The following QRFPR variants were observed in gnomAD, a reference collection of about 807,000 sequenced individuals.
QRFPR encodes pyroglutamylated RF-amide peptide receptor.
QRFPR carries 37 observed loss-of-function variants against 31.3 expected under a neutral mutation model. The observed-to-expected ratio is 1.18, with a 90% CI of 0.91 to 1.56. QRFPR has a LOEUF of 1.56. Ranked by LOEUF, QRFPR falls within the 40% of genes most tolerant of loss-of-function variation. The pLI is 0.00. For synonymous variants in QRFPR, 197 were observed against 192.0 expected, an observed-to-expected ratio of 1.03 and a Z score of -0.22; for missense variants, 542 against 532.5, an observed-to-expected ratio of 1.02 and a Z score of -0.18.
intron 1 of QRFPR, among the ~76,000 whole-genome samples, chr4:121,343,777 A>G (rs1445200162): frequency 6.6e-6 from 1 of 152,160 alleles, no homozygotes. Context: ...CAACTATCCA[A>G]ACAAAAGAAA....
At chr4:121,375,988 G>GA (rs1031389433) in intron 1 of QRFPR, among the ~76,000 whole-genome samples, 82 of 152,104 alleles carry the variant, frequency 5.4e-4, no homozygotes, top group African/African-American at 1.8e-3. Flanking sequence ...TAAAAAGGAG[G>GA]AAAAAACAAA....
chr4:121,365,542 T>TTA (rs1286190292), intron 1 of QRFPR, among the ~76,000 whole-genome samples: 5 of 19,566 alleles, frequency 2.6e-4, no homozygotes, highest in African/African-American at 1.8e-3. Flanking sequence ...ATAATATATA[T>TTA]TATATATAAT....
At chr4:121,347,374 A>G (rs13110420) in intron 1 of QRFPR, among the ~76,000 whole-genome samples, 118,879 of 151,958 alleles carry the variant, frequency 0.78, 48,817 homozygotes, top group East Asian at 0.99. Context: ...CTTTTCTTTT[A>G]ATTTATTGAT....
chr4:121,330,695 C>T (rs766313806), intron 4 of QRFPR, among the ~76,000 whole-genome samples, 172 bp from the exon 5 acceptor site: 2 of 152,196 alleles, frequency 1.3e-5, no homozygotes, highest in African/African-American at 2.4e-5. Context: ...ATATTACCCT[C>T]ACATCATAAA....
intron 1 of QRFPR, among the ~76,000 whole-genome samples, chr4:121,366,014 A>C (rs1726129319): frequency 6.7e-6 from 1 of 149,020 alleles, no homozygotes; most frequent in Non-Finnish European, 1.5e-5. Context: ...AGATCATGGC[A>C]GACTTTCACT....
chr4:121,370,306 T>C, intron 1 of QRFPR: 1 of 774,212 alleles, frequency 1.3e-6, no homozygotes, highest in East Asian at 2.5e-5. Context: ...AGAGGCCCAC[T>C]AGCCTCAAGA....
At chr4:121,359,186 C>T (rs1725931576) in intron 1 of QRFPR, among the ~76,000 whole-genome samples, 1 of 152,124 alleles carries the variant, frequency 6.6e-6, no homozygotes, top group Non-Finnish European at 1.5e-5. Context: ...GCTTCATTAC[C>T]TGCCAGATTA....
Position 121,328,756 on chromosome 4 carries a change from C to CA in QRFPR, c.*557dup, listed in dbSNP as rs1187503184. 6.6e-6 allele frequency among the ~76,000 whole-genome samples: 1 copy of CA among 152,004 alleles called. No homozygotes were observed. Among genetic ancestry groups the CA allele is most frequent in the South Asian group, 2.1e-4 (1 of 4,812 alleles). On this transcript the variant is annotated 3_prime_UTR_variant, in exon 6 of 6. Transcript: ENST00000394427. ...TTAAAAGTATGGTTTACGAATTTTT[C>CA]AAAAAAATTTTTTTTGAGACGGGGA... is the stretch of plus-strand genomic sequence containing the variant.
At chr4:121,351,843 TAAA>T (rs11333384) in intron 1 of QRFPR, among the ~76,000 whole-genome samples, 1 of 146,060 alleles carries the variant, frequency 6.8e-6, no homozygotes. Context: ...TAAAGTAATG[TAAA>T]AAAAAAAAAA....
At chr4:121,350,688 G>A (rs988915329) in intron 1 of QRFPR, among the ~76,000 whole-genome samples, 2 of 152,090 alleles carry the variant, frequency 1.3e-5, no homozygotes, top group African/African-American at 4.8e-5. Flanking sequence ...TTGGAAGGTA[G>A]CTTGATACTT....
chr4:121,374,858 C>CT (rs950805335), intron 1 of QRFPR, among the ~76,000 whole-genome samples: 1 of 152,000 alleles, frequency 6.6e-6, no homozygotes, highest in Non-Finnish European at 1.5e-5. Flanking sequence ...TTTCAAACTC[C>CT]TTTTTTTTGG....
chr4:121,332,924 T>A lies in QRFPR; in HGVS notation c.694A>T (p.Ile232Phe). The A allele has an allele frequency of 1.2e-6, 2 of 1,614,102 alleles. No homozygotes were observed. Among genetic ancestry groups the A allele is most frequent in the South Asian group, 2.2e-5 (2 of 91,082 alleles). ...TCATAACCAATTTTACTGTACAGAATAAGCATCACCATAAGAGGCAGGAGG... is the reference window on the plus strand; with the variant it reads ...TCATAACCAATTTTACTGTACAGAAAAAGCATCACCATAAGAGGCAGGAGG... ...LFLLPLMVML[I>F]LYSKIGYELW... The change falls in exon 4 of 6, where the codon ATT becomes TTT. Residue 232 changes from isoleucine (I) to phenylalanine (F), a missense_variant. Coordinates refer to ENST00000394427, the MANE Select transcript of QRFPR (RefSeq NM_198179.3).
At chr4:121,333,633 T>A (rs75865068) in intron 3 of QRFPR, among the ~76,000 whole-genome samples, 4,334 of 152,316 alleles carry the variant, frequency 0.028, 85 homozygotes, top group South Asian at 0.055. Context: ...ATTCAAACTA[T>A]TGCCAATATA....
rs1726121865 is a variant in QRFPR at position 121,365,659 on chromosome 4, AT to A, written c.340+14648del. Among the ~76,000 whole-genome samples the A allele has an allele frequency of 1.1e-3, 27 of 24,212 alleles. 3 individuals are homozygous for A. In the South Asian group the frequency reaches 0.036, roughly 32 times the overall value. The allele number at this position is 24,212 out of a possible 152,430, so 15.9% of individuals were successfully genotyped here. On this transcript the variant is annotated intron_variant, in intron 1 of 5. Coordinates refer to ENST00000394427, the MANE Select transcript of QRFPR (RefSeq NM_198179.3). Reference sequence around the variant, plus strand: ...ATATATTTTATATATTATATATTATATATATTTTATATATTATATATATATA... The same window carrying A: ...ATATATTTTATATATTATATATTATAATATTTTATATATTATATATATATA...
chr4:121,348,184 A>T (rs1356764032), intron 1 of QRFPR, among the ~76,000 whole-genome samples: 2 of 152,036 alleles, frequency 1.3e-5, no homozygotes, highest in African/African-American at 4.8e-5. Context: ...ATCTTACTTC[A>T]CTGTGTCTTG....
intron 1 of QRFPR, among the ~76,000 whole-genome samples, chr4:121,378,825 C>A (rs1726409978): frequency 1.3e-5 from 2 of 152,110 alleles, no homozygotes; most frequent in Admixed American, 1.3e-4. Flanking sequence ...AATAGTAATC[C>A]AGTTCTTTTG....
At chr4:121,378,407 C>CTT (rs34846492) in intron 1 of QRFPR, among the ~76,000 whole-genome samples, 347 of 100,842 alleles carry the variant, frequency 3.4e-3, no homozygotes, top group Middle Eastern at 5.7e-3. Flanking sequence ...GCTCACTGCA[C>CTT]TTTTTTTTTT....
Position 121,364,345 on chromosome 4 carries a change from A to G in QRFPR, c.340+15963T>C, listed in dbSNP as rs1726045341. ...CTAAGGCATGTTAATTGAAATGTCT[A>G]AAAACTTTTGGCTGGGCATGGTGGC... is the stretch of plus-strand genomic sequence containing the variant. On this transcript the variant is annotated intron_variant, in intron 1 of 5. Coordinates refer to ENST00000394427, the MANE Select transcript of QRFPR (RefSeq NM_198179.3). Among the ~76,000 whole-genome samples the G allele has an allele frequency of 1.3e-5, 2 of 150,412 alleles. 1 individual carries two copies. The highest frequency in any genetic ancestry group is 3.0e-5 in the Non-Finnish European group (2 of 67,660).
intron 2 of QRFPR, 75 bp from the exon 3 acceptor site, chr4:121,336,943 A>C: frequency 1.5e-6 from 2 of 1,318,488 alleles, no homozygotes; most frequent in Non-Finnish European, 2.2e-6. Context: ...TCTAACCCTC[A>C]AGATTCCCTA....
Sources: gnomAD v4.1 joint callset for allele counts (sites outside exome capture counted in the v4.1 genomes callset) on GRCh38, gnomAD v4.1.1 for gene constraint, MANE v1.5 for transcripts, NCBI Gene and HGNC (gene_info 2026-07-23, HGNC 2026-07-21) for gene names.